PTGFRN: variants seen among roughly 807,000 people sequenced by gnomAD.
PTGFRN encodes prostaglandin F2 receptor inhibitor.
In PTGFRN, 35 loss-of-function variants were observed where a neutral mutation model predicts 83.2. The observed-to-expected ratio is 0.42, with a 90% CI of 0.32 to 0.56. The LOEUF (loss-of-function observed/expected upper bound fraction) is 0.56, where lower values mean the gene tolerates loss of function less well. Ranked by LOEUF, PTGFRN falls within the 20% of genes least tolerant of loss-of-function variation. The probability of loss-of-function intolerance (pLI) is 0.11; values close to 1 mark genes in which losing one functional copy is unlikely to be tolerated. For missense variants in PTGFRN, 1,051 were observed against 1,179.5 expected, an observed-to-expected ratio of 0.89 and a Z score of 1.60; for synonymous variants, 519 against 498.6, an observed-to-expected ratio of 1.04 and a Z score of -0.55.
chr1:116,953,892 G>A (rs1378311693), intron 4 of PTGFRN, among the ~76,000 whole-genome samples: 4 of 142,210 alleles, frequency 2.8e-5, no homozygotes, highest in East Asian at 2.1e-4. Context: ...TCGCTCTGTC[G>A]CCCAGGCTGG....
chr1:116,919,721 TG>T (rs1167921778), intron 1 of PTGFRN, among the ~76,000 whole-genome samples: 19 of 152,372 alleles, frequency 1.2e-4, no homozygotes. Context: ...CTCCAGAGTG[TG>T]GGTTCATAAC....
At chr1:116,913,651 C>T (rs934973331) in intron 1 of PTGFRN, among the ~76,000 whole-genome samples, 6 of 152,234 alleles carry the variant, frequency 3.9e-5, no homozygotes, top group African/African-American at 1.2e-4. Context: ...GCAGGGGCCA[C>T]GTTGATTTTG....
At chr1:116,937,021 G>A in intron 1 of PTGFRN, among the ~76,000 whole-genome samples, 1 of 152,240 alleles carries the variant, frequency 6.6e-6, no homozygotes, top group South Asian at 2.1e-4. Context: ...GAATGGGGAT[G>A]TGCCACTTTA....
intron 1 of PTGFRN, among the ~76,000 whole-genome samples, chr1:116,933,420 A>G (rs1038534265): frequency 6.6e-6 from 1 of 152,112 alleles, no homozygotes; most frequent in Non-Finnish European, 1.5e-5. Context: ...TTTTTCTGCT[A>G]TTGATGTCAT....
chr1:116,971,639 C>T (rs1650995868), intron 6 of PTGFRN, among the ~76,000 whole-genome samples: 1 of 152,188 alleles, frequency 6.6e-6, no homozygotes, highest in African/African-American at 2.4e-5. Context: ...AGGAGGAAAT[C>T]CACTCCTGTG....
In PTGFRN at chr1:116,941,821, C is replaced by T. The variant is rs756202616; in HGVS notation, c.156C>T (p.Ser52=). The T allele has an allele frequency of 8.1e-6, 13 of 1,614,070 alleles. No homozygotes were observed. Among genetic ancestry groups the T allele is most frequent in the Admixed American group, 3.3e-5 (2 of 60,002 alleles). ...ACGTCAGTGACTATGATGGCCCCAG[C>T]GAGCAAAACTTTGACTGGAGCTTCT... ...PCNVSDYDGP[S]EQNFDWSFSS... Residue 52 remains serine, a synonymous_variant, in exon 2 of 9, where the codon AGC becomes AGT. Coordinates refer to ENST00000393203, the MANE Select transcript of PTGFRN (RefSeq NM_020440.4). This position sits in a 1 kb window ranked among gnomAD's most constrained non-coding sequence, Gnocchi z 5.0.
chr1:116,915,935 T>G (rs899361392), intron 1 of PTGFRN, among the ~76,000 whole-genome samples: 1 of 152,228 alleles, frequency 6.6e-6, no homozygotes, highest in Admixed American at 6.5e-5. Flanking sequence ...AGTGCTGCAG[T>G]TGGCACAGTC....
At chr1:116,977,111 C>T (rs1400811036) in intron 7 of PTGFRN, among the ~76,000 whole-genome samples, 1 of 150,454 alleles carries the variant, frequency 6.6e-6, no homozygotes, top group Non-Finnish European at 1.5e-5. Context: ...CAACAAAGAT[C>T]AAAAGAGACA....
At position 116,974,324 on chromosome 1, in the gene PTGFRN, G is replaced by A. The variant is rs1470141229; in HGVS notation, c.2167+1G>A. On this transcript the variant is annotated splice_donor_variant, in intron 7 of 8. Coordinates refer to ENST00000393203, the MANE Select transcript of PTGFRN (RefSeq NM_020440.4). LOFTEE classifies it high-confidence loss of function. ...GTCGAGGGAGCAGCACTGGATCCAG[G>A]TACCTCACTCCATCCTCACCCCTTC... 6.3e-7 allele frequency: 1 copy of A among 1,591,460 alleles called. No individual in the cohort carries two copies. The highest frequency in any genetic ancestry group is 8.6e-7 in the Non-Finnish European group (1 of 1,159,718).
intron 5 of PTGFRN, among the ~76,000 whole-genome samples, chr1:116,963,689 C>G (rs554154073): frequency 3.3e-5 from 5 of 152,160 alleles, no homozygotes; most frequent in African/African-American, 1.2e-4. Flanking sequence ...CTCACTGCAG[C>G]CTTGACCTCC....
Position 116,918,340 on chromosome 1 carries a change from C to T in PTGFRN, c.49+8088C>T, listed in dbSNP as rs1046197768. Among the ~76,000 whole-genome samples, 10 of 152,122 alleles carry T rather than the reference C, an allele frequency of 6.6e-5. No individual in the cohort carries two copies. Among genetic ancestry groups the T allele is most frequent in the East Asian group, 5.8e-4 (3 of 5,200 alleles). The stretch of plus-strand genomic sequence containing the variant: ...TGTCTCTGTGAAATGGGAATAATAC[C>T]TCTCTTGGAGGTTTTTCCATGAAGA... On this transcript the variant is annotated intron_variant, in intron 1 of 8. Coordinates refer to ENST00000393203, the MANE Select transcript of PTGFRN (RefSeq NM_020440.4). This position sits in a 1 kb window ranked among gnomAD's most constrained non-coding sequence, Gnocchi z 4.1.
intron 1 of PTGFRN, among the ~76,000 whole-genome samples, chr1:116,928,082 C>G (rs1293957824): frequency 2.0e-5 from 3 of 152,192 alleles, no homozygotes; most frequent in African/African-American, 7.2e-5. Context: ...CCCCTGTGGC[C>G]TGTTGGTCAC....
At chr1:116,925,777 C>T (rs746292661) in intron 1 of PTGFRN, among the ~76,000 whole-genome samples, 3 of 152,162 alleles carry the variant, frequency 2.0e-5, no homozygotes, top group African/African-American at 2.4e-5. Flanking sequence ...TCATCTTTAT[C>T]GACTCTGACG....
intron 5 of PTGFRN, among the ~76,000 whole-genome samples, chr1:116,964,492 A>G (rs1426929945): frequency 1.3e-5 from 2 of 152,126 alleles, no homozygotes; most frequent in South Asian, 4.1e-4. Flanking sequence ...CGGAAACATT[A>G]GACTACCTCA....
intron 7 of PTGFRN, 88 bp from the exon 8 acceptor site, chr1:116,984,592 G>T: frequency 7.7e-7 from 1 of 1,300,926 alleles, no homozygotes; most frequent in Non-Finnish European, 1.1e-6. Context: ...CTTGCCATAC[G>T]TAGTAAGGGC....
intron 6 of PTGFRN, among the ~76,000 whole-genome samples, 190 bp from the exon 7 acceptor site, chr1:116,974,026 T>C (rs1290554289): frequency 6.6e-6 from 1 of 152,184 alleles, no homozygotes; most frequent in African/African-American, 2.4e-5. Flanking sequence ...AAGATGAAGC[T>C]CACTTGGATG....
chr1:116,930,064 A>G (rs1649755661), intron 1 of PTGFRN, among the ~76,000 whole-genome samples: 1 of 152,178 alleles, frequency 6.6e-6, no homozygotes, highest in Non-Finnish European at 1.5e-5. Flanking sequence ...CATTTTTTTC[A>G]AACAAAGGCA....
Position 116,949,336 on chromosome 1 carries a change from C to T in PTGFRN, c.977C>T (p.Pro326Leu). The T allele has an allele frequency of 6.2e-7, 1 of 1,614,290 alleles. No homozygotes were observed. The highest frequency in any genetic ancestry group is 1.1e-5 in the South Asian group (1 of 91,092). ...AGCAGGATGCCTGACAGCACCCTAC[C>T]TGGCTCCCGCGTGTTGGCGCGGCTT... ...SFSRMPDSTLPGSRVLARLDR... is the reference protein window; with the variant it reads ...SFSRMPDSTLLGSRVLARLDR... Residue 326 changes from proline (P) to leucine (L), a missense_variant, in exon 4 of 9, where the codon CCT becomes CTT. By Grantham distance (98) the Pro-to-Leu change is moderately conservative. Coordinates refer to ENST00000393203, the MANE Select transcript of PTGFRN (RefSeq NM_020440.4).
rs191433077 is a variant in PTGFRN, at chr1:116,979,275, C to T, written c.2167+4952C>T. Among the ~76,000 whole-genome samples, 453 of 152,256 alleles carry T rather than the reference C, an allele frequency of 3.0e-3. 3 individuals carry two copies. Among genetic ancestry groups the T allele is most frequent in the South Asian group, 0.012 (60 of 4,820 alleles). Reference sequence around the variant, plus strand: ...CCTCATGGATAGGAAGAATCAATATCATGAAAATGGCCATACTGCCCAAGG... The same window carrying T: ...CCTCATGGATAGGAAGAATCAATATTATGAAAATGGCCATACTGCCCAAGG... On this transcript the variant is annotated intron_variant, in intron 7 of 8. Transcript: ENST00000393203.
Sources: gnomAD v4.1 joint callset for allele counts (sites outside exome capture counted in the v4.1 genomes callset) on GRCh38, gnomAD v4.1.1 for gene constraint, Gnocchi (gnomAD v3.1) non-coding constraint, MANE v1.5 for transcripts, NCBI Gene and HGNC (gene_info 2026-07-23, HGNC 2026-07-21) for gene names.